SRL: variants seen among roughly 807,000 people sequenced by gnomAD.
The protein encoded by SRL is sarcalumenin.
Under a neutral mutation model 39.5 loss-of-function variants are expected in SRL, and 23 were observed. The ratio of observed to expected loss-of-function variants is 0.58; its 90% CI spans 0.42 to 0.82. SRL has a LOEUF of 0.82. Among genes scored for constraint, SRL ranks in the 40% least tolerant of loss-of-function variants. The pLI is 0.00. For synonymous variants in SRL, 272 were observed against 237.4 expected, an observed-to-expected ratio of 1.15 and a Z score of -1.34; for missense variants, 592 against 607.8, an observed-to-expected ratio of 0.97 and a Z score of 0.27.
chr16:4,197,155 G>A, intron 4 of SRL, among the ~76,000 whole-genome samples: 1 of 131,046 alleles, frequency 7.6e-6, no homozygotes, highest in South Asian at 2.5e-4. Context: ...TGCAACCTCT[G>A]CCTCCTGGGT....
At chr16:4,231,132 T>A (rs544947621) in intron 1 of SRL, among the ~76,000 whole-genome samples, 1 of 152,196 alleles carries the variant, frequency 6.6e-6, no homozygotes, top group East Asian at 1.9e-4. Context: ...CCAGGCAACA[T>A]GGCGAGAGCC....
chr16:4,239,507 G>T (rs991089180), intron 1 of SRL: 1 of 152,320 alleles, frequency 6.6e-6, no homozygotes, highest in African/African-American at 2.4e-5. Flanking sequence ...CCGAAGAAAT[G>T]AAATGCTTTC....
rs552380489 is a variant in SRL at position 4,203,589 on chromosome 16, A to G, written c.164-328T>C. The stretch of plus-strand genomic sequence containing the variant: ...CAGGCTGGAGTGCAGTGGTGCAATC[A>G]TAGCTCACTGCAGCCTCTAACTCCT... On this transcript the variant is annotated intron_variant, in intron 2 of 5. Coordinates refer to ENST00000399609, the MANE Select transcript of SRL (RefSeq NM_001098814.2). 4.6e-5 allele frequency among the ~76,000 whole-genome samples: 7 copies of G among 152,228 alleles called. No individual in the cohort carries two copies. In the South Asian group the frequency reaches 8.3e-4, roughly 18 times the overall value.
intron 1 of SRL, among the ~76,000 whole-genome samples, chr16:4,238,504 T>G (rs1248574140): frequency 6.6e-6 from 1 of 152,192 alleles, no homozygotes. Flanking sequence ...TGGAAAGGAC[T>G]GAATTCCAGC....
chr16:4,216,280 T>G (rs565434925), intron 1 of SRL, among the ~76,000 whole-genome samples: 26 of 152,264 alleles, frequency 1.7e-4, no homozygotes, highest in African/African-American at 6.0e-4. Flanking sequence ...ATTTTATGTA[T>G]TTATTTATTT....
chr16:4,210,925 T>G (rs573064278), intron 1 of SRL, among the ~76,000 whole-genome samples: 3 of 152,242 alleles, frequency 2.0e-5, no homozygotes, highest in South Asian at 4.1e-4. Flanking sequence ...GACGCAGACT[T>G]TTAAGCCCCA....
chr16:4,197,427 T>C lies in SRL; in HGVS notation c.376+372A>G, dbSNP rs569524610. Among the ~76,000 whole-genome samples, 3 of 141,834 alleles carry C rather than the reference T, an allele frequency of 2.1e-5. No individual in the cohort carries two copies. The South Asian group carries it at 7.0e-4, about 33-fold the overall frequency. The allele number at this position is 141,834 out of a possible 152,430, so 93.0% of individuals were successfully genotyped here. ...GTGGCATAACTTTTCTTTCCTTTTT[T>C]TTTTTTTTTTTTGAGACGGAGTCTC... On this transcript the variant is annotated intron_variant, in intron 4 of 5. Coordinates refer to ENST00000399609, the MANE Select transcript of SRL (RefSeq NM_001098814.2).
At chr16:4,209,489 C>A (rs1406999191) in intron 1 of SRL, among the ~76,000 whole-genome samples, 1 of 152,094 alleles carries the variant, frequency 6.6e-6, no homozygotes, top group South Asian at 2.1e-4. Flanking sequence ...TGGATGCAGA[C>A]AACCCCCCTC....
chr16:4,213,531 C>A (rs2052421024), intron 1 of SRL, among the ~76,000 whole-genome samples: 1 of 149,838 alleles, frequency 6.7e-6, no homozygotes, highest in African/African-American at 2.5e-5. Flanking sequence ...CACCTCAGCT[C>A]CCCCAAACAG....
At chr16:4,226,956 A>C (rs1003291643) in intron 1 of SRL, among the ~76,000 whole-genome samples, 2 of 149,912 alleles carry the variant, frequency 1.3e-5, no homozygotes, top group Non-Finnish European at 3.0e-5. Context: ...GGATGAGTAG[A>C]TGCATGGACG....
chr16:4,215,154 G>A (rs2052442521), intron 1 of SRL, among the ~76,000 whole-genome samples: 1 of 152,204 alleles, frequency 6.6e-6, no homozygotes, highest in African/African-American at 2.4e-5. Flanking sequence ...CTGGCTGGAG[G>A]AAGGCTTGTC....
chr16:4,211,027 G>A (rs2052385909), intron 1 of SRL, among the ~76,000 whole-genome samples: 1 of 152,120 alleles, frequency 6.6e-6, no homozygotes, highest in Non-Finnish European at 1.5e-5. Context: ...GGGCTACACT[G>A]CCTCACAAAC....
chr16:4,226,036 A>C (rs2052584120), intron 1 of SRL, among the ~76,000 whole-genome samples: 1 of 152,092 alleles, frequency 6.6e-6, no homozygotes, highest in Non-Finnish European at 1.5e-5. Context: ...TGCTTCCCAG[A>C]CAACCGTCTG....
In SRL at chr16:4,210,315, T is replaced by C. The variant is rs141815571; in HGVS notation, c.62-5681A>G. Among the ~76,000 whole-genome samples, 1,453 of 152,284 alleles carry C rather than the reference T, an allele frequency of 9.5e-3. 13 individuals carry two copies. Among genetic ancestry groups the C allele is most frequent in the Non-Finnish European group, 0.015 (1,046 of 68,014 alleles). On this transcript the variant is annotated intron_variant, in intron 1 of 5. Transcript: ENST00000399609. The stretch of plus-strand genomic sequence containing the variant: ...TTTGGTTTAATCAGAAGAGACTGAA[T>C]GTCCTCTGAACAGCAGGATACGTAT...
intron 1 of SRL, among the ~76,000 whole-genome samples, chr16:4,236,157 C>A (rs2052711617): frequency 6.6e-6 from 1 of 152,142 alleles, no homozygotes; most frequent in Non-Finnish European, 1.5e-5. Context: ...CTGTTGCTGG[C>A]CTTTATTTAT....
In SRL at chr16:4,191,058, A is replaced by G. The variant is rs575101212; in HGVS notation, c.*1095T>C. 4.6e-5 allele frequency: 7 copies of G among 152,424 alleles called. No homozygotes were observed. In the East Asian group the frequency reaches 5.8e-4, roughly 13 times the overall value. The allele number at this position is 152,424 out of a possible 1,614,324, so 9.4% of individuals were successfully genotyped here. On this transcript the variant is annotated 3_prime_UTR_variant, in exon 6 of 6. Coordinates refer to ENST00000399609, the MANE Select transcript of SRL (RefSeq NM_001098814.2). ...ATAGACAAAGACGCACTGCAAACCA[A>G]TTAACCCTCTGAGCCCTTCCACGAC... is the stretch of plus-strand genomic sequence containing the variant.
At chr16:4,220,950 C>T (rs926076170) in intron 1 of SRL, among the ~76,000 whole-genome samples, 4 of 151,994 alleles carry the variant, frequency 2.6e-5, no homozygotes, top group Admixed American at 6.6e-5. Flanking sequence ...TGTGCCACTG[C>T]GCTCCAGCCT....
At chr16:4,229,279 T>A (rs182629049) in intron 1 of SRL, among the ~76,000 whole-genome samples, 155 of 151,908 alleles carry the variant, frequency 1.0e-3, no homozygotes, top group African/African-American at 3.5e-3. Flanking sequence ...CCATCTCTAC[T>A]GAAAATACAA....
rs2052046617 is a variant in SRL, at chr16:4,190,392, G to A, written c.*1761C>T. ...CCTGCCTCGTGGGTAAGGCCCCCAG[G>A]ACAGCTTGTTCCCAAGAGAAGCGGC... On this transcript the variant is annotated 3_prime_UTR_variant, in exon 6 of 6. Coordinates refer to ENST00000399609, the MANE Select transcript of SRL (RefSeq NM_001098814.2). 4 of 398,842 alleles carry A rather than the reference G, an allele frequency of 1.0e-5. No homozygotes were observed. In the East Asian group the frequency reaches 1.4e-4, roughly 14 times the overall value. 24.7% of individuals were successfully genotyped at this position (398,842 alleles called of 1,614,324 possible).
Sources: gnomAD v4.1 joint callset for allele counts (sites outside exome capture counted in the v4.1 genomes callset) on GRCh38, gnomAD v4.1.1 for gene constraint, MANE v1.5 for transcripts, NCBI Gene and HGNC (gene_info 2026-07-23, HGNC 2026-07-21) for gene names.